Variants in ACACA observed in about 807,000 individuals in gnomAD.
ACACA encodes acetyl-CoA carboxylase alpha.
In ACACA, 103 loss-of-function variants were observed where a neutral mutation model predicts 296.1. The observed-to-expected ratio is 0.35, with a 90% CI of 0.30 to 0.41. The LOEUF (loss-of-function observed/expected upper bound fraction) is 0.41, where lower values mean the gene tolerates loss of function less well. ACACA is among the 10% of genes least tolerant of loss of function. The pLI is 1.00. For missense variants in ACACA, 1,554 were observed against 2,989.7 expected, an observed-to-expected ratio of 0.52 and a Z score of 11.20; for synonymous variants, 953 against 1,038.6, an observed-to-expected ratio of 0.92 and a Z score of 1.58.
intron 52 of ACACA, among the ~76,000 whole-genome samples, chr17:37,103,661 A>C (rs2073494626): frequency 6.6e-6 from 1 of 152,100 alleles, no homozygotes; most frequent in Non-Finnish European, 1.5e-5. Context: ...GGACTGCCTG[A>C]AGCCAGGATT....
At chr17:37,194,039 T>C (rs1488788495) in intron 35 of ACACA, among the ~76,000 whole-genome samples, 1 of 151,986 alleles carries the variant, frequency 6.6e-6, no homozygotes, top group Non-Finnish European at 1.5e-5. Flanking sequence ...TGTAGGGCAT[T>C]ATACAAAAAA....
chr17:37,372,516 C>T (rs893610579), intron 1 of ACACA, among the ~76,000 whole-genome samples: 1 of 151,846 alleles, frequency 6.6e-6, no homozygotes, highest in African/African-American at 2.4e-5. Context: ...TTACAGAAAC[C>T]GAAATAGAGG....
chr17:37,246,945 C>T lies in ACACA; in HGVS notation c.2341G>A (p.Val781Met), dbSNP rs2080737053. Residue 781 changes from valine to methionine, a missense_variant, in exon 19 of 56, where the codon GTG (valine) becomes ATG (methionine). Val to Met is a conservative substitution (Grantham distance 21). Around this residue, in one of 16 missense-constraint regions of ACACA, gnomAD observed 316 missense variants for 540.9 expected, o/e 0.58. Transcript: ENST00000616317. Reference protein sequence around the residue: ...YRITIGNKTCVFEKENDPSVM... With the variant: ...YRITIGNKTCMFEKENDPSVM... ...GATGGGTCATTTTCCTTCTCAAACA[C>T]ACAGGTTTTATTGCCAATTGTGATG... The T allele has an allele frequency of 1.2e-6, 2 of 1,613,940 alleles. No individual in the cohort carries two copies. Among genetic ancestry groups the T allele is most frequent in the African/African-American group, 2.7e-5 (2 of 74,876 alleles).
intron 30 of ACACA, 45 bp from the exon 31 acceptor site, chr17:37,207,845 G>A (rs74607269): frequency 6.2e-7 from 1 of 1,603,150 alleles, no homozygotes. Context: ...GAGGGTAGGA[G>A]CAAGGACTGG....
In ACACA at chr17:37,137,567, T is replaced by C. The variant is rs1056245039; in HGVS notation, c.5680-7349A>G. Among the ~76,000 whole-genome samples, 21 of 152,226 alleles carry C rather than the reference T, an allele frequency of 1.4e-4. 1 individual carries two copies. Among genetic ancestry groups the C allele is most frequent in the African/African-American group, 4.8e-4 (20 of 41,450 alleles). On this transcript the variant is annotated intron_variant, in intron 45 of 55. Transcript: ENST00000616317. Reference sequence around the variant, plus strand: ...GCATGTGATCTACCACATTTCTATGTATTCTATAAAACCTCAACCGATTAG... The same window carrying C: ...GCATGTGATCTACCACATTTCTATGCATTCTATAAAACCTCAACCGATTAG...
intron 3 of ACACA, among the ~76,000 whole-genome samples, chr17:37,325,823 C>G (rs529587656): frequency 6.6e-6 from 1 of 151,860 alleles, no homozygotes; most frequent in Non-Finnish European, 1.5e-5. Flanking sequence ...ATCCACCCAC[C>G]TTGGCTTCCT....
intron 1 of ACACA, among the ~76,000 whole-genome samples, chr17:37,390,285 A>AT (rs1428191942): frequency 4.1e-5 from 2 of 49,336 alleles, no homozygotes; most frequent in South Asian, 5.1e-4. Flanking sequence ...TATTATATAT[A>AT]ATTATATATT....
chr17:37,262,727 G>A (rs1269568229), intron 11 of ACACA, among the ~76,000 whole-genome samples: 1 of 151,996 alleles, frequency 6.6e-6, no homozygotes, highest in East Asian at 1.9e-4. Flanking sequence ...ACCGTATTTT[G>A]CTTATTTATT....
At chr17:37,326,833 AAAAAAAGAAAGAAAG>A (rs1482322095) in intron 3 of ACACA, among the ~76,000 whole-genome samples, 3 of 152,114 alleles carry the variant, frequency 2.0e-5, no homozygotes, top group Admixed American at 1.3e-4. Context: ...CCTCTAAAAA[AAAAAAAGAAAGAAAG>A]AAAAAAGAAA....
intron 14 of ACACA, among the ~76,000 whole-genome samples, chr17:37,255,877 G>A (rs2081204081): frequency 6.6e-6 from 1 of 152,036 alleles, no homozygotes; most frequent in African/African-American, 2.4e-5. Context: ...TTCCCGAGTA[G>A]CTGGGATTAC....
At chr17:37,309,546 A>G (rs1057434083) in intron 3 of ACACA, among the ~76,000 whole-genome samples, 1 of 152,174 alleles carries the variant, frequency 6.6e-6, no homozygotes, top group African/African-American at 2.4e-5. Flanking sequence ...ATGATATTTG[A>G]TCTGAAACCT....
chr17:37,403,042 TGAG>T (rs2051344525), intron 1 of ACACA, among the ~76,000 whole-genome samples: 1 of 152,232 alleles, frequency 6.6e-6, no homozygotes, highest in African/African-American at 2.4e-5. Flanking sequence ...TTCAGAGCAC[TGAG>T]GTTACAAAGA....
At chr17:37,261,823 T>C (rs2081526254) in intron 11 of ACACA, among the ~76,000 whole-genome samples, 1 of 152,206 alleles carries the variant, frequency 6.6e-6, no homozygotes, top group Non-Finnish European at 1.5e-5. Flanking sequence ...ACGATTGCTA[T>C]GTATTTTTCA....
In ACACA at chr17:37,286,106, T is replaced by G. The variant is rs113593767; in HGVS notation, c.339-1136A>C. On this transcript the variant is annotated intron_variant, in intron 3 of 55. Transcript: ENST00000616317. ...GGTTTCGCCATGTTGACCAGGCTGG[T>G]CTCGAACTCCTGACCTCAGGTGATC... is the stretch of plus-strand genomic sequence containing the variant. 6.7e-3 allele frequency among the ~76,000 whole-genome samples: 1,026 copies of G among 152,228 alleles called. 11 individuals are homozygous for G. The highest frequency in any genetic ancestry group is 0.024 in the African/African-American group (986 of 41,544).
At chr17:37,295,216 C>T (rs982016968) in intron 3 of ACACA, among the ~76,000 whole-genome samples, 1 of 152,188 alleles carries the variant, frequency 6.6e-6, no homozygotes, top group Non-Finnish European at 1.5e-5. Flanking sequence ...TGGCCCCGGC[C>T]AGAAACCTGC....
chr17:37,260,296 A>ATATATATATATAT (rs2081443114), intron 11 of ACACA, among the ~76,000 whole-genome samples: 1 of 18,978 alleles, frequency 5.3e-5, no homozygotes, highest in Non-Finnish European at 9.2e-5. Flanking sequence ...ATATATATAT[A>ATATATATATATAT]TTTTTTTTTT....
chr17:37,306,944 C>A (rs967519159), intron 3 of ACACA, among the ~76,000 whole-genome samples: 12 of 152,080 alleles, frequency 7.9e-5, no homozygotes, highest in African/African-American at 2.9e-4. Context: ...CTGATCCTCC[C>A]ACCTCAGCCT....
intron 3 of ACACA, among the ~76,000 whole-genome samples, chr17:37,307,737 G>A (rs2083948792): frequency 6.6e-6 from 1 of 151,820 alleles, no homozygotes; most frequent in African/African-American, 2.4e-5. Context: ...AAGGCGTGTG[G>A]CACCATGCCT....
intron 52 of ACACA, among the ~76,000 whole-genome samples, chr17:37,100,131 T>C (rs2073273160): frequency 6.6e-6 from 1 of 152,080 alleles, no homozygotes; most frequent in African/African-American, 2.4e-5. Context: ...GTAGCGGAAA[T>C]GATGGAATTA....
Sources: allele counts gnomAD v4.1 joint callset (sites outside exome capture counted in the v4.1 genomes callset), GRCh38; gene constraint gnomAD v4.1.1; regional missense constraint gnomAD v4.1.1; transcripts MANE v1.5; gene names NCBI Gene and HGNC (gene_info 2026-07-23, HGNC 2026-07-21).